SNTG1: variants seen among roughly 807,000 people sequenced by gnomAD.
SNTG1 encodes the protein syntrophin gamma 1.
A neutral mutation model predicts 74.7 loss-of-function variants in SNTG1; 39 were observed. The observed-to-expected ratio is 0.52, with a 90% CI of 0.40 to 0.68. The LOEUF (loss-of-function observed/expected upper bound fraction) is 0.68, where lower values mean the gene tolerates loss of function less well. Among genes scored for constraint, SNTG1 ranks in the 30% least tolerant of loss-of-function variants. The probability of loss-of-function intolerance (pLI) is 0.00; values close to 1 mark genes in which losing one functional copy is unlikely to be tolerated. For synonymous variants in SNTG1, 254 were observed against 217.1 expected (o/e 1.17, Z -1.49); for missense variants, 685 against 609.5 (o/e 1.12, Z -1.30).
At chr8:50,284,945 T>C (rs1240245147) in intron 2 of SNTG1, among the ~76,000 whole-genome samples, 1 of 152,184 alleles carries the variant, frequency 6.6e-6, no homozygotes, top group Non-Finnish European at 1.5e-5. Context: ...AAGTATTTGT[T>C]TGCTTGGAAA....
At position 50,701,643 on chromosome 8, in the gene SNTG1, C is replaced by CTCT. The variant is rs1563761450; in HGVS notation, c.1039-2955_1039-2954insTTC. On this transcript the variant is annotated intron_variant, in intron 15 of 18. Transcript: ENST00000642720. The stretch of plus-strand genomic sequence containing the variant: ...CGTGTTCCTCTTCCTCTTCTTCTTC[C>CTCT]TCCTCTTTTTCTTCCTCTTCTTCTT... 1.6e-3 allele frequency among the ~76,000 whole-genome samples: 156 copies of CTCT among 96,350 alleles called. 1 individual carries two copies. The highest frequency in any genetic ancestry group is 9.1e-3 in the African/African-American group (150 of 16,404). 63.2% of individuals were successfully genotyped at this position (96,350 alleles called of 152,430 possible).
At chr8:50,556,245 C>G (rs1266253135) in intron 12 of SNTG1, among the ~76,000 whole-genome samples, 1 of 152,038 alleles carries the variant, frequency 6.6e-6, no homozygotes, top group African/African-American at 2.4e-5. Flanking sequence ...TTGTCTTAAG[C>G]TGTATTGGCA....
intron 4 of SNTG1, among the ~76,000 whole-genome samples, chr8:50,417,877 C>T (rs1320672647): frequency 3.3e-5 from 5 of 152,100 alleles, no homozygotes; most frequent in Admixed American, 3.3e-4. Context: ...ACCATCTAGT[C>T]ATACACTAAA....
rs1448489676 is a variant in SNTG1 at position 50,354,794 on chromosome 8, T to C, written c.-27-39418T>C. On this transcript the variant is annotated intron_variant, in intron 2 of 18. Coordinates refer to ENST00000642720, the MANE Select transcript of SNTG1 (RefSeq NM_018967.5). Reference sequence around the variant, plus strand: ...GCCTGGGTCTTCTTCCAGGCTCACGTAGCTAAGGCAGAACTCAGCTGCTTG... The same window carrying C: ...GCCTGGGTCTTCTTCCAGGCTCACGCAGCTAAGGCAGAACTCAGCTGCTTG... Among the ~76,000 whole-genome samples, 4 of 152,228 alleles carry C rather than the reference T, an allele frequency of 2.6e-5. No individual in the cohort carries two copies. The South Asian group carries it at 8.3e-4, about 32-fold the overall frequency.
chr8:50,045,028 A>G (rs1490886447), intron 1 of SNTG1, among the ~76,000 whole-genome samples: 1 of 152,224 alleles, frequency 6.6e-6, no homozygotes, highest in Non-Finnish European at 1.5e-5. Flanking sequence ...GCAAGTCTAC[A>G]TGATGTAGAG....
At chr8:50,410,871 A>T (rs1189089525) in intron 4 of SNTG1, among the ~76,000 whole-genome samples, 1 of 152,182 alleles carries the variant, frequency 6.6e-6, no homozygotes, top group Non-Finnish European at 1.5e-5. Context: ...ATTATAGTCA[A>T]CTGTGTATAT....
At chr8:49,932,556 TAGTC>T (rs1434550087) in intron 1 of SNTG1, among the ~76,000 whole-genome samples, 2 of 151,822 alleles carry the variant, frequency 1.3e-5, no homozygotes, top group African/African-American at 2.4e-5. Flanking sequence ...AAAAAAAAAA[TAGTC>T]AGAACGTATT....
intron 1 of SNTG1, among the ~76,000 whole-genome samples, chr8:50,098,063 T>A (rs1454111021): frequency 6.6e-6 from 1 of 152,196 alleles, no homozygotes; most frequent in East Asian, 1.9e-4. Flanking sequence ...ATTATTTTTC[T>A]TACAGGGAGT....
intron 1 of SNTG1, among the ~76,000 whole-genome samples, chr8:50,052,628 A>G (rs1042893825): frequency 9.2e-5 from 14 of 152,146 alleles, no homozygotes; most frequent in African/African-American, 3.4e-4. Context: ...CTATTAATAG[A>G]TCAATTTACA....
chr8:50,615,182 G>T lies in SNTG1; in HGVS notation c.849+24265G>T, dbSNP rs540739532. Among the ~76,000 whole-genome samples, 29 of 152,074 alleles carry T rather than the reference G, an allele frequency of 1.9e-4. No individual in the cohort carries two copies. In the South Asian group the frequency reaches 5.2e-3, roughly 27 times the overall value. ...TCACCAGTTTAGCCAGGATGGTCTC[G>T]ATCTCTTGACCTCATGATCTGCCTG... On this transcript the variant is annotated intron_variant, in intron 13 of 18. Transcript: ENST00000642720.
chr8:50,085,847 A>T (rs1822833673), intron 1 of SNTG1, among the ~76,000 whole-genome samples: 2 of 152,142 alleles, frequency 1.3e-5, no homozygotes, highest in Non-Finnish European at 1.5e-5. Context: ...TATAACACAC[A>T]CTGATGCCCA....
intron 2 of SNTG1, among the ~76,000 whole-genome samples, chr8:50,247,140 G>A (rs2129801145): frequency 6.6e-6 from 1 of 152,206 alleles, no homozygotes; most frequent in South Asian, 2.1e-4. Context: ...TTCCATTAGG[G>A]AACGAACAAG....
intron 15 of SNTG1, among the ~76,000 whole-genome samples, chr8:50,669,766 GA>G (rs1379823073): frequency 1.3e-5 from 2 of 152,156 alleles, no homozygotes; most frequent in African/African-American, 4.8e-5. Context: ...TAATATCCTT[GA>G]TGAACATTGA....
rs781024029 is a variant in SNTG1 at position 50,536,703 on chromosome 8, C to T, written c.575C>T (p.Pro192Leu). 7.9e-5 allele frequency: 127 copies of T among 1,613,688 alleles called. No homozygotes were observed. Among genetic ancestry groups the T allele is most frequent in the Non-Finnish European group, 9.9e-5 (117 of 1,179,814 alleles). ...GACACATTATCATGCTCGTCGTGGC[C>T]GACGTCTCCAGGCTTGAGGTGGGAG... ...NTDTLSCSSW[P>L]TSPGLRWEKR... Residue 192 changes from proline (P) to leucine (L), a missense_variant, in exon 11 of 19, where the codon CCG becomes CTG. Coordinates refer to ENST00000642720, the MANE Select transcript of SNTG1 (RefSeq NM_018967.5).
rs977185072 is a variant in SNTG1, at chr8:50,058,078, C to T, written c.-102-114483C>T. Among the ~76,000 whole-genome samples the T allele has an allele frequency of 2.3e-4, 35 of 152,034 alleles. 1 individual carries two copies. The highest frequency in any genetic ancestry group is 3.7e-4 in the Non-Finnish European group (25 of 68,008). On this transcript the variant is annotated intron_variant, in intron 1 of 18. Transcript: ENST00000642720. Reference sequence around the variant, plus strand: ...ATGGGTGAAAAATCTAAAGCTCCACCTCAAAATCCCAAGTCTGAAAGAGAT... The same window carrying T: ...ATGGGTGAAAAATCTAAAGCTCCACTTCAAAATCCCAAGTCTGAAAGAGAT...
intron 1 of SNTG1, among the ~76,000 whole-genome samples, chr8:50,081,427 A>G (rs1822397408): frequency 6.6e-6 from 1 of 152,190 alleles, no homozygotes; most frequent in Non-Finnish European, 1.5e-5. Context: ...GGCATTTATC[A>G]GGTCTCTTAA....
At chr8:50,328,302 G>A (rs1179215999) in intron 2 of SNTG1, among the ~76,000 whole-genome samples, 1 of 152,168 alleles carries the variant, frequency 6.6e-6, no homozygotes, top group African/African-American at 2.4e-5. Flanking sequence ...AAGATTCAGA[G>A]TACTAACTTC....
rs534917764 is a variant in SNTG1 at position 50,330,551 on chromosome 8, C to T, written c.-27-63661C>T. 2.0e-5 allele frequency among the ~76,000 whole-genome samples: 3 copies of T among 152,316 alleles called. No individual in the cohort carries two copies. In the South Asian group the frequency reaches 6.2e-4, roughly 32 times the overall value. ...TTCCTGTTACCCAGTTCCAAAGTTG[C>T]TTCTACAATTTCAGGTTATCTTTAC... On this transcript the variant is annotated intron_variant, in intron 2 of 18. Transcript: ENST00000642720.
intron 2 of SNTG1, among the ~76,000 whole-genome samples, chr8:50,213,869 T>C (rs1216265980): frequency 6.6e-6 from 1 of 151,808 alleles, no homozygotes; most frequent in East Asian, 1.9e-4. Context: ...TTTTCTCCCA[T>C]TTTGTAGGTT....
Sources: gnomAD v4.1 joint callset for allele counts (sites outside exome capture counted in the v4.1 genomes callset) on GRCh38, gnomAD v4.1.1 for gene constraint, MANE v1.5 for transcripts, NCBI Gene and HGNC (gene_info 2026-07-23, HGNC 2026-07-21) for gene names.